Variants in NFILZ observed in about 807,000 individuals in gnomAD.
The protein encoded by NFILZ is NFIL3 like basic leucine zipper.
rs150186297 is a variant in NFILZ, at chr19:8,666,228, C to A, written c.-163-8323C>A. On this transcript the variant is annotated intron_variant, in intron 3 of 5. Transcript: ENST00000691075. Reference sequence around the variant, plus strand: ...ATATGCTGAGTATCTTCTTCTTCTTCTTATTTTTGAGACAGGGTGTCACTC... The same window carrying A: ...ATATGCTGAGTATCTTCTTCTTCTTATTATTTTTGAGACAGGGTGTCACTC... Among the ~76,000 whole-genome samples, 1,147 of 152,034 alleles carry A rather than the reference C, an allele frequency of 7.5e-3. 14 individuals are homozygous for A. Among genetic ancestry groups the A allele is most frequent in the African/African-American group, 0.027 (1,100 of 41,480 alleles).
chr19:8,642,911 T>A (rs926202010), intron 3 of NFILZ, among the ~76,000 whole-genome samples: 1 of 151,460 alleles, frequency 6.6e-6, no homozygotes, highest in Non-Finnish European at 1.5e-5. Flanking sequence ...TGGCGAGTGG[T>A]TGGGTGTTGA....
At chr19:8,644,445 G>A (rs2042930776) in intron 3 of NFILZ, among the ~76,000 whole-genome samples, 1 of 151,874 alleles carries the variant, frequency 6.6e-6, no homozygotes, top group African/African-American at 2.4e-5. Context: ...TCCAGCGGAG[G>A]TCAGTCAAGA....
intron 3 of NFILZ, among the ~76,000 whole-genome samples, chr19:8,646,100 G>A (rs1232418711): frequency 1.3e-5 from 2 of 151,798 alleles, no homozygotes; most frequent in East Asian, 3.9e-4. Flanking sequence ...CCAGTGGCGC[G>A]ATCTCGGCTC....
At chr19:8,675,592 A>G (rs1555750636) in intron 4 of NFILZ, among the ~76,000 whole-genome samples, 1 of 152,176 alleles carries the variant, frequency 6.6e-6, no homozygotes, top group Non-Finnish European at 1.5e-5. Flanking sequence ...ACAAAGTGAG[A>G]CCATGTTCCT....
intron 1 of NFILZ, among the ~76,000 whole-genome samples, chr19:8,631,171 G>GTGCC (rs1330867120): frequency 2.0e-5 from 3 of 152,172 alleles, no homozygotes; most frequent in Non-Finnish European, 4.4e-5. Flanking sequence ...CTCAAAGAGG[G>GTGCC]TGCCTGAATG....
At chr19:8,631,476 G>GGGGTCTGGAGGCAGGCGTGTCTTCTGGGA (rs1555745501) in intron 1 of NFILZ, among the ~76,000 whole-genome samples, 6 of 152,120 alleles carry the variant, frequency 3.9e-5, no homozygotes, top group Non-Finnish European at 7.4e-5. Context: ...TGATCTCTGG[G>GGGGTCTGGAGGCAGGCGTGTCTTCTGGGA]GGGTCTGGAG....
At chr19:8,632,020 C>T (rs189008862) in intron 1 of NFILZ, among the ~76,000 whole-genome samples, 12 of 152,144 alleles carry the variant, frequency 7.9e-5, no homozygotes, top group African/African-American at 1.4e-4. Context: ...AGGTGCCTGC[C>T]GCCACACTCG....
At chr19:8,661,876 T>C (rs1458504718) in intron 3 of NFILZ, among the ~76,000 whole-genome samples, 1 of 151,860 alleles carries the variant, frequency 6.6e-6, no homozygotes, top group Admixed American at 6.6e-5. Flanking sequence ...CAGAGTGAGA[T>C]TCTGTCTCAA....
intron 3 of NFILZ, among the ~76,000 whole-genome samples, chr19:8,658,160 G>T (rs2043013555): frequency 6.6e-6 from 1 of 152,190 alleles, no homozygotes; most frequent in Admixed American, 6.5e-5. Context: ...AGGCCTGCGT[G>T]CCTGAAACAG....
intron 2 of NFILZ, among the ~76,000 whole-genome samples, chr19:8,633,760 G>A (rs1555745784): frequency 6.6e-6 from 1 of 152,182 alleles, no homozygotes; most frequent in East Asian, 1.9e-4. Flanking sequence ...AAGGGAGCAG[G>A]GTCCTGGGGA....
intron 3 of NFILZ, among the ~76,000 whole-genome samples, chr19:8,657,453 G>C (rs934281212): frequency 6.6e-6 from 1 of 152,052 alleles, no homozygotes; most frequent in Non-Finnish European, 1.5e-5. Context: ...GCTGCTGCAG[G>C]GTCCTGTTGC....
intron 3 of NFILZ, among the ~76,000 whole-genome samples, chr19:8,653,039 T>TCTCTCCCC (rs2042975527): frequency 1.3e-5 from 1 of 77,396 alleles, no homozygotes; most frequent in Non-Finnish European, 2.5e-5. Context: ...TTTCTTTCTT[T>TCTCTCCCC]CTCTCTCTCT....
chr19:8,663,784 T>TGTGTGTGTGTGTA (rs2043048867), intron 3 of NFILZ, among the ~76,000 whole-genome samples: 1 of 19,624 alleles, frequency 5.1e-5, no homozygotes, highest in Admixed American at 4.1e-4. Flanking sequence ...GTATGTGTGT[T>TGTGTGTGTGTGTA]TGTTGTGGGG....
chr19:8,640,668 G>T (rs2042915443), intron 3 of NFILZ, among the ~76,000 whole-genome samples: 1 of 152,176 alleles, frequency 6.6e-6, no homozygotes, highest in South Asian at 2.1e-4. Flanking sequence ...CAGCCACATT[G>T]CACCAGACTT....
chr19:8,672,475 A>C (rs2043092489), intron 3 of NFILZ, among the ~76,000 whole-genome samples: 1 of 152,194 alleles, frequency 6.6e-6, no homozygotes, highest in African/African-American at 2.4e-5. Context: ...TGCATTTATT[A>C]GTTCATTCAA....
chr19:8,635,385 G>C (rs1203237146), intron 2 of NFILZ, among the ~76,000 whole-genome samples: 1 of 149,176 alleles, frequency 6.7e-6, no homozygotes, highest in African/African-American at 2.5e-5. Context: ...CAATTCCTGC[G>C]TGCCCCTCTG....
intron 3 of NFILZ, among the ~76,000 whole-genome samples, chr19:8,671,758 T>C (rs571812144): frequency 2.0e-5 from 3 of 152,282 alleles, no homozygotes. Flanking sequence ...TCTACACAGA[T>C]GTTCATCAAT....
chr19:8,656,444 T>TGCAGCCCACCTTCTCC (rs2043000866), intron 3 of NFILZ, among the ~76,000 whole-genome samples: 5 of 40,302 alleles, frequency 1.2e-4, no homozygotes, highest in Middle Eastern at 8.3e-3. Context: ...CACCTTCTCC[T>TGCAGCCCACCTTCTCC]CGAAGCCCAC....
intron 3 of NFILZ, among the ~76,000 whole-genome samples, chr19:8,639,240 G>A (rs919013337): frequency 1.3e-5 from 2 of 152,142 alleles, no homozygotes; most frequent in African/African-American, 2.4e-5. Context: ...AGAGGTGACA[G>A]TGGGTGTTGT....
Sources: gnomAD v4.1 joint callset for allele counts (sites outside exome capture counted in the v4.1 genomes callset) on GRCh38, gnomAD v4.1.1 for gene constraint, MANE v1.5 for transcripts, NCBI Gene and HGNC (gene_info 2026-07-23, HGNC 2026-07-21) for gene names.